The following VPS13B variants were observed in gnomAD, a reference collection of about 807,000 sequenced individuals.
VPS13B encodes the protein vacuolar protein sorting 13 homolog B, also known as intermembrane lipid transfer protein VPS13B.
VPS13B carries 285 observed loss-of-function variants against 426.4 expected under a neutral mutation model. That is an observed-to-expected ratio of 0.67 (90% confidence interval 0.61 to 0.74). The LOEUF (loss-of-function observed/expected upper bound fraction) is 0.74, where lower values mean the gene tolerates loss of function less well. VPS13B is among the 30% of genes least tolerant of loss of function. The pLI is 0.00. For synonymous variants in VPS13B, 1,676 were observed against 1,676.4 expected (o/e 1.00, Z 0.01); for missense variants, 4,537 against 4,782.6 (o/e 0.95, Z 1.51).
intron 61 of VPS13B, chr8:99,875,061 GGAAA>G: frequency 3.0e-6 from 1 of 334,068 alleles, no homozygotes; most frequent in African/African-American, 2.1e-5. Context: ...TTTATGTGGA[GGAAA>G]GATTTTTCTC....
At chr8:99,257,656 T>C (rs1817824718) in intron 17 of VPS13B, among the ~76,000 whole-genome samples, 2 of 152,332 alleles carry the variant, frequency 1.3e-5, no homozygotes, top group South Asian at 4.1e-4. Flanking sequence ...TTAGCTTCTT[T>C]AGCCATGCTT....
In VPS13B at chr8:99,605,782, G is replaced by A. The variant is rs557082930; in HGVS notation, c.5220+28149G>A. On this transcript the variant is annotated intron_variant, in intron 33 of 61. Transcript: ENST00000357162. ...GGATCTAGGTTCTCTGGGGCCTGAAGTTGGTCCTTTTTAAAAAGAATACAA... is the reference window on the plus strand; with the variant it reads ...GGATCTAGGTTCTCTGGGGCCTGAAATTGGTCCTTTTTAAAAAGAATACAA... Among the ~76,000 whole-genome samples, 10 of 152,304 alleles carry A rather than the reference G, an allele frequency of 6.6e-5. No homozygotes were observed. In the East Asian group the frequency reaches 1.7e-3, roughly 26 times the overall value.
intron 5 of VPS13B, among the ~76,000 whole-genome samples, chr8:99,109,409 G>C (rs1371482866): frequency 6.8e-6 from 1 of 147,642 alleles, no homozygotes; most frequent in East Asian, 2.0e-4. Context: ...TTAAGAGAGA[G>C]TCTTAACTCT....
At chr8:99,562,956 A>T (rs1825008976) in intron 31 of VPS13B, among the ~76,000 whole-genome samples, 1 of 152,156 alleles carries the variant, frequency 6.6e-6, no homozygotes, top group South Asian at 2.1e-4. Context: ...GGAGTTTAAG[A>T]TCAGCCTAGG....
At chr8:99,209,566 A>ATTTT in intron 17 of VPS13B, 2 of 225,418 alleles carry the variant, frequency 8.9e-6, no homozygotes, top group Non-Finnish European at 1.7e-5. Flanking sequence ...TTTAATAACA[A>ATTTT]TTTTTTTTTT....
chr8:99,301,682 C>G (rs535259111), intron 19 of VPS13B, among the ~76,000 whole-genome samples: 5 of 152,238 alleles, frequency 3.3e-5, no homozygotes, highest in African/African-American at 1.2e-4. Flanking sequence ...GATGATATAT[C>G]AAAGGTATTT....
At chr8:99,369,692 G>A (rs145541386) in intron 19 of VPS13B, among the ~76,000 whole-genome samples, 50 of 152,282 alleles carry the variant, frequency 3.3e-4, no homozygotes, top group Non-Finnish European at 5.4e-4. Flanking sequence ...ATATATACTC[G>A]TTGGGGATAC....
chr8:99,262,604 A>G (rs2132954047), intron 17 of VPS13B, among the ~76,000 whole-genome samples: 1 of 152,202 alleles, frequency 6.6e-6, no homozygotes, highest in South Asian at 2.1e-4. Context: ...TTCTTACTAT[A>G]TAGTATGAAA....
At chr8:99,178,971 T>C (rs992520396) in intron 16 of VPS13B, among the ~76,000 whole-genome samples, 6 of 152,198 alleles carry the variant, frequency 3.9e-5, no homozygotes, top group Non-Finnish European at 8.8e-5. Flanking sequence ...GCATGTTGAT[T>C]AATAGCTATT....
intron 25 of VPS13B, among the ~76,000 whole-genome samples, chr8:99,491,616 T>G (rs1405270676): frequency 6.6e-6 from 1 of 152,200 alleles, no homozygotes; most frequent in Non-Finnish European, 1.5e-5. Context: ...TAATTTGATC[T>G]TCAATCACTG....
intron 14 of VPS13B, 43 bp downstream of exon 14, chr8:99,148,053 G>GTT: frequency 6.7e-7 from 1 of 1,494,372 alleles, no homozygotes; most frequent in Non-Finnish European, 9.1e-7. Context: ...CTCATATATG[G>GTT]ATTTTTTTTT....
intron 29 of VPS13B, among the ~76,000 whole-genome samples, chr8:99,520,146 T>C (rs1241057731): frequency 6.6e-6 from 1 of 152,132 alleles, no homozygotes; most frequent in Non-Finnish European, 1.5e-5. Flanking sequence ...TTTACCTTTT[T>C]TTGTTTTCTG....
At chr8:99,743,707 C>G (rs183060342) in intron 39 of VPS13B, among the ~76,000 whole-genome samples, 118 of 152,184 alleles carry the variant, frequency 7.8e-4, no homozygotes, top group Non-Finnish European at 1.1e-3. Flanking sequence ...ACAAACCTGA[C>G]AAAAACAAGC....
intron 48 of VPS13B, 54 bp downstream of exon 48, chr8:99,819,636 A>G: frequency 3.8e-6 from 6 of 1,573,718 alleles, no homozygotes; most frequent in Non-Finnish European, 5.2e-6. Context: ...TTAACAAATG[A>G]TCATTCACAA....
intron 31 of VPS13B, among the ~76,000 whole-genome samples, chr8:99,561,985 CCAAACTCTTTT>C (rs923268025): frequency 6.6e-6 from 1 of 152,282 alleles, no homozygotes; most frequent in African/African-American, 2.4e-5. Context: ...TGAGAAACTG[CCAAACTCTTTT>C]CAACCATAAA....
At chr8:99,032,689 C>T (rs748825775) in intron 2 of VPS13B, among the ~76,000 whole-genome samples, 4 of 110,708 alleles carry the variant, frequency 3.6e-5, no homozygotes, top group African/African-American at 7.3e-5. Flanking sequence ...ACCACCATGT[C>T]GGGCTATTTT....
chr8:99,472,806 GA>G (rs1436022644), intron 24 of VPS13B, among the ~76,000 whole-genome samples: 2 of 151,832 alleles, frequency 1.3e-5, no homozygotes, highest in East Asian at 1.9e-4. Flanking sequence ...TAGAGAGGGA[GA>G]AAAAAATGCA....
chr8:99,415,327 C>T (rs373176448), intron 21 of VPS13B, among the ~76,000 whole-genome samples: 27 of 151,834 alleles, frequency 1.8e-4, no homozygotes, highest in African/African-American at 5.5e-4. Context: ...CCCTTTTTCC[C>T]GGTTCTTAGC....
chr8:99,252,182 C>T (rs1588175738), intron 17 of VPS13B, among the ~76,000 whole-genome samples: 1 of 151,880 alleles, frequency 6.6e-6, no homozygotes, highest in Non-Finnish European at 1.5e-5. Context: ...TTAAGACTTA[C>T]TTGTACTGTG....
Sources: allele counts gnomAD v4.1 joint callset (sites outside exome capture counted in the v4.1 genomes callset), GRCh38; gene constraint gnomAD v4.1.1; transcripts MANE v1.5; gene names NCBI Gene and HGNC (gene_info 2026-07-23, HGNC 2026-07-21).